The following ADAMTS2 variants were observed in gnomAD, a reference collection of about 807,000 sequenced individuals.
ADAMTS2 encodes the protein A disintegrin and metalloproteinase with thrombospondin motifs 2.
Under a neutral mutation model 123.0 loss-of-function variants are expected in ADAMTS2, and 50 were observed. That is an observed-to-expected ratio of 0.41 (90% CI 0.32 to 0.51). The LOEUF (loss-of-function observed/expected upper bound fraction) is 0.51. Among genes scored for constraint, ADAMTS2 ranks in the 20% least tolerant of loss-of-function variants. The probability of loss-of-function intolerance (pLI) is 0.35; values close to 1 mark genes in which losing one functional copy is unlikely to be tolerated. For synonymous variants in ADAMTS2, 678 were observed against 695.4 expected (o/e 0.98, Z 0.39); for missense variants, 1,494 against 1,705.2 (o/e 0.88, Z 2.18).
intron 4 of ADAMTS2, among the ~76,000 whole-genome samples, chr5:179,184,509 T>TCAAA (rs1290290563): frequency 1.1e-5 from 1 of 91,416 alleles, no homozygotes; most frequent in African/African-American, 4.6e-5. Context: ...AGACTCTGTC[T>TCAAA]AAAAAAAAAA....
At position 179,244,204 on chromosome 5, in the gene ADAMTS2, T is replaced by C. The variant is rs184502895; in HGVS notation, c.688+28707A>G. ...TTCAAACGGGATAAATGCCAAGAGA[T>C]CCACACCCAGAGACATCATAGTAAA... On this transcript the variant is annotated intron_variant, in intron 3 of 21. Coordinates refer to ENST00000251582, the MANE Select transcript of ADAMTS2 (RefSeq NM_014244.5). Among the ~76,000 whole-genome samples, 6 of 152,044 alleles carry C rather than the reference T, an allele frequency of 3.9e-5. No individual in the cohort carries two copies. In the East Asian group the frequency reaches 1.2e-3, roughly 29 times the overall value.
chr5:179,154,293 G>A (rs1763425789), intron 7 of ADAMTS2, 101 bp from the exon 8 acceptor site: 1 of 1,500,278 alleles, frequency 6.7e-7, no homozygotes, highest in Non-Finnish European at 8.9e-7. Context: ...TCCCCAACGG[G>A]CCTCCTGACC....
At chr5:179,210,415 G>A (rs1251048448) in intron 3 of ADAMTS2, among the ~76,000 whole-genome samples, 1 of 152,174 alleles carries the variant, frequency 6.6e-6, no homozygotes, top group African/African-American at 2.4e-5. Flanking sequence ...AAACAGCAAA[G>A]GTTTCTAAAG....
At chr5:179,301,495 G>A (rs953282384) in intron 2 of ADAMTS2, among the ~76,000 whole-genome samples, 1 of 152,238 alleles carries the variant, frequency 6.6e-6, no homozygotes, top group Non-Finnish European at 1.5e-5. Flanking sequence ...GACAGCTAAT[G>A]AGTGGTGGAT....
intron 4 of ADAMTS2, among the ~76,000 whole-genome samples, chr5:179,201,368 T>C (rs1764560079): frequency 6.6e-6 from 1 of 152,130 alleles, no homozygotes; most frequent in East Asian, 1.9e-4. Context: ...AATAATAAGT[T>C]AGGTAAAAAG....
intron 2 of ADAMTS2, among the ~76,000 whole-genome samples, chr5:179,284,754 A>T (rs1755969687): frequency 3.3e-5 from 5 of 152,228 alleles, no homozygotes; most frequent in Admixed American, 3.3e-4. Context: ...GATTTATGCT[A>T]GGCTAAAAGA....
intron 4 of ADAMTS2, among the ~76,000 whole-genome samples, chr5:179,193,045 C>A (rs1036593231): frequency 6.6e-6 from 1 of 152,164 alleles, no homozygotes; most frequent in Admixed American, 6.5e-5. Context: ...TGGAATGATG[C>A]CCTCCCACTT....
intron 4 of ADAMTS2, among the ~76,000 whole-genome samples, chr5:179,201,323 G>C (rs1764559091): frequency 6.6e-6 from 1 of 152,206 alleles, no homozygotes; most frequent in African/African-American, 2.4e-5. Flanking sequence ...ACCTCTAATG[G>C]AGAAATAAGT....
At chr5:179,306,155 C>T (rs1164904443) in intron 2 of ADAMTS2, among the ~76,000 whole-genome samples, 1 of 151,538 alleles carries the variant, frequency 6.6e-6, no homozygotes, top group Admixed American at 6.6e-5. Context: ...CCCTACAAAC[C>T]AATATCCCTC....
At chr5:179,287,606 G>A (rs902058521) in intron 2 of ADAMTS2, among the ~76,000 whole-genome samples, 1 of 152,226 alleles carries the variant, frequency 6.6e-6, no homozygotes, top group Non-Finnish European at 1.5e-5. Context: ...TGGAAGACGG[G>A]GTATGCAATT....
At chr5:179,293,500 C>T (rs1223956553) in intron 2 of ADAMTS2, among the ~76,000 whole-genome samples, 1 of 152,276 alleles carries the variant, frequency 6.6e-6, no homozygotes, top group Non-Finnish European at 1.5e-5. Flanking sequence ...CTCCGGGCCA[C>T]AGCCCAGGAC....
chr5:179,154,138 C>T lies in ADAMTS2; in HGVS notation c.1293G>A (p.Leu431=), dbSNP rs952594565. Residue 431 remains leucine (L), a synonymous_variant, in exon 8 of 22, where the codon CTG becomes CTA. Transcript: ENST00000251582. ...QGNRCGDEVR[L]GSIMAPLVQA... is the part of the protein sequence containing the mutation. The stretch of plus-strand genomic sequence containing the variant: ...GCACCAGGGGCGCCATGATGCTGCC[C>T]AGCCGCACCTCGTCGCCACAGCGGT... 1.3e-6 allele frequency: 2 copies of T among 1,588,568 alleles called. No homozygotes were observed. The highest frequency in any genetic ancestry group is 8.5e-7 in the Non-Finnish European group (1 of 1,173,268).
In ADAMTS2 at chr5:179,189,510, GTTTTTTTTTTTTT is replaced by G. The variant is rs146295427; in HGVS notation, c.892-8368_892-8356del. ...CTACAGGCGCCCGCCAGTGCGCCTG[GTTTTTTTTTTTTT>G]TTTTTTTTTTTTTTTAGTAGAGGCA... On this transcript the variant is annotated intron_variant, in intron 4 of 21. Transcript: ENST00000251582. The surrounding 1 kb of genome is among the most constrained non-coding windows in gnomAD (Gnocchi z 4.2). 1.1e-4 allele frequency among the ~76,000 whole-genome samples: 9 copies of G among 78,950 alleles called. 1 individual carries two copies. Among genetic ancestry groups the G allele is most frequent in the Admixed American group, 1.0e-3 (6 of 5,806 alleles). The allele number at this position is 78,950 out of a possible 152,430, so 51.8% of individuals were successfully genotyped here.
In ADAMTS2 at chr5:179,272,860, C is replaced by G. The variant is rs1766577417; in HGVS notation, c.688+51G>C. On this transcript the variant is annotated intron_variant, in intron 3 of 21. Coordinates refer to ENST00000251582, the MANE Select transcript of ADAMTS2 (RefSeq NM_014244.5). The surrounding 1 kb of genome is among the most constrained non-coding windows in gnomAD (Gnocchi z 5.8). Reference sequence around the variant, plus strand: ...GTCTCTGGGATGCTCCCCTGGGGACCAGGGCCTCAGAGGGCTCTCCACACA... The same window carrying G: ...GTCTCTGGGATGCTCCCCTGGGGACGAGGGCCTCAGAGGGCTCTCCACACA... 1.9e-6 allele frequency: 3 copies of G among 1,588,986 alleles called. No homozygotes were observed. Among genetic ancestry groups the G allele is most frequent in the East Asian group, 2.2e-5 (1 of 44,644 alleles).
rs371221345 is a variant in ADAMTS2 at position 179,110,950 on chromosome 5, G to A, written c.*2917C>T. ...ACAAAGATGTATTGGTTGTTGTATC[G>A]GTAAGCCAGAATTTTGTGATTTGAG... On this transcript the variant is annotated 3_prime_UTR_variant, in exon 22 of 22. Coordinates refer to ENST00000251582, the MANE Select transcript of ADAMTS2 (RefSeq NM_014244.5). The A allele has an allele frequency of 5.3e-5, 8 of 152,250 alleles. No individual in the cohort carries two copies. The highest frequency in any genetic ancestry group is 3.4e-3 in the Middle Eastern group (1 of 294). 9.4% of individuals were successfully genotyped at this position (152,250 alleles called of 1,614,324 possible). A position where few individuals can be genotyped will look rare whatever the true frequency, so the allele number is the denominator to read the frequency against.
intron 21 of ADAMTS2, among the ~76,000 whole-genome samples, chr5:179,116,269 C>A (rs1183873439): frequency 7.8e-5 from 10 of 127,980 alleles, no homozygotes; most frequent in Non-Finnish European, 1.7e-4. Context: ...CACCCCCCCC[C>A]CACCCCCCGC....
rs1554128903 is a variant in ADAMTS2, at chr5:179,189,510, G to GCTTT, written c.892-8356_892-8355insAAAG. Among the ~76,000 whole-genome samples, 518 of 78,956 alleles carry GCTTT rather than the reference G, an allele frequency of 6.6e-3. 160 individuals are homozygous for GCTTT. The highest frequency in any genetic ancestry group is 0.027 in the Middle Eastern group (3 of 112). 51.8% of individuals were successfully genotyped at this position (78,956 alleles called of 152,430 possible). A position where few individuals can be genotyped will look rare whatever the true frequency, so the allele number is the denominator to read the frequency against. ...CTACAGGCGCCCGCCAGTGCGCCTG[G>GCTTT]TTTTTTTTTTTTTTTTTTTTTTTTT... On this transcript the variant is annotated intron_variant, in intron 4 of 21. Transcript: ENST00000251582. The surrounding 1 kb of genome is among the most constrained non-coding windows in gnomAD (Gnocchi z 4.2).
chr5:179,162,561 G>GC lies in ADAMTS2; in HGVS notation c.976-3683dup, dbSNP rs949609283. The stretch of plus-strand genomic sequence containing the variant: ...AGCTGTTGCACACCATACCGTATGG[G>GC]CCCCTCCTGGGGCCGTCACCCATGT... On this transcript the variant is annotated intron_variant, in intron 5 of 21. Transcript: ENST00000251582. The surrounding 1 kb of genome is among the most constrained non-coding windows in gnomAD (Gnocchi z 5.1). Among the ~76,000 whole-genome samples the GC allele has an allele frequency of 6.6e-6, 1 of 152,134 alleles. No homozygotes were observed. The highest frequency in any genetic ancestry group is 1.5e-5 in the Non-Finnish European group (1 of 68,004).
At chr5:179,309,123 C>T (rs1043113310) in intron 2 of ADAMTS2, among the ~76,000 whole-genome samples, 8 of 152,206 alleles carry the variant, frequency 5.3e-5, no homozygotes, top group Admixed American at 2.6e-4. Context: ...AGCAGAGAGG[C>T]GCAAACACCA....
Sources: allele counts gnomAD v4.1 joint callset (sites outside exome capture counted in the v4.1 genomes callset), GRCh38; gene constraint gnomAD v4.1.1; non-coding constraint Gnocchi (gnomAD v3.1); transcripts MANE v1.5; gene names NCBI Gene and HGNC (gene_info 2026-07-23, HGNC 2026-07-21).